Variants in LTBP1 observed in about 807,000 individuals in gnomAD.
The protein encoded by LTBP1 is latent-transforming growth factor beta-binding protein 1.
Under a neutral mutation model 207.6 loss-of-function variants are expected in LTBP1, and 129 were observed. The ratio of observed to expected loss-of-function variants is 0.62; its 90% CI spans 0.54 to 0.72. LTBP1 has a LOEUF of 0.72. Among genes scored for constraint, LTBP1 ranks in the 30% least tolerant of loss-of-function variants. LTBP1 has a pLI of 0.00. For missense variants in LTBP1, 2,281 were observed against 2,217.2 expected (o/e 1.03, Z -0.58); for synonymous variants, 963 against 833.7 (o/e 1.16, Z -2.67).
intron 7 of LTBP1, among the ~76,000 whole-genome samples, chr2:33,190,401 A>T (rs1487238291): frequency 2.0e-5 from 3 of 152,246 alleles, no homozygotes; most frequent in Non-Finnish European, 4.4e-5. Flanking sequence ...TCACTGCTTT[A>T]GAAACCTGGG....
chr2:33,198,522 T>C (rs2088832037), intron 7 of LTBP1, among the ~76,000 whole-genome samples: 1 of 152,244 alleles, frequency 6.6e-6, no homozygotes, highest in Non-Finnish European at 1.5e-5. Flanking sequence ...TGAATCCATC[T>C]GGTCCTGGAC....
chr2:33,200,243 A>C (rs947122046), intron 7 of LTBP1, among the ~76,000 whole-genome samples: 1 of 152,232 alleles, frequency 6.6e-6, no homozygotes, highest in African/African-American at 2.4e-5. Flanking sequence ...AGGCTACAGT[A>C]ACCAAAACAG....
At chr2:33,242,587 TTTC>T (rs771507039) in intron 9 of LTBP1, among the ~76,000 whole-genome samples, 1 of 152,214 alleles carries the variant, frequency 6.6e-6, no homozygotes, top group Non-Finnish European at 1.5e-5. Context: ...TTTTTCCTTT[TTTC>T]TTAGATTAGG....
intron 26 of LTBP1, among the ~76,000 whole-genome samples, chr2:33,357,184 A>G (rs2094873489): frequency 6.6e-6 from 1 of 152,164 alleles, no homozygotes; most frequent in African/African-American, 2.4e-5. Flanking sequence ...CCTACAAGCA[A>G]ATGGCCCACA....
intron 9 of LTBP1, among the ~76,000 whole-genome samples, chr2:33,230,580 G>T (rs1259303498): frequency 6.6e-6 from 1 of 152,178 alleles, no homozygotes; most frequent in Non-Finnish European, 1.5e-5. Flanking sequence ...AAGGTCTGAT[G>T]TAGAACTAGA....
chr2:33,324,699 C>CTTTTTTTT (rs35517435), intron 24 of LTBP1, among the ~76,000 whole-genome samples: 3 of 123,374 alleles, frequency 2.4e-5, no homozygotes, highest in Non-Finnish European at 3.3e-5. Flanking sequence ...TGTATTCTAT[C>CTTTTTTTT]TTTTTTTTTT....
chr2:33,252,731 C>T lies in LTBP1; in HGVS notation c.2054C>T (p.Ser685Phe). 1 of 1,613,930 alleles carries T rather than the reference C, an allele frequency of 6.2e-7. No individual in the cohort carries two copies. Among genetic ancestry groups the T allele is most frequent in the Non-Finnish European group, 8.5e-7 (1 of 1,179,860 alleles). The change falls in exon 11 of 34, where the codon TCT (serine) becomes TTT (phenylalanine). Residue 685 changes from serine to phenylalanine, a missense_variant. By Grantham distance (155) the Ser-to-Phe change is radical (BLOSUM62 -2). This residue lies in a region of LTBP1 where 1,671 missense variants were observed against 1,634.8 expected (regional missense o/e 1.02). Coordinates refer to ENST00000404816, the MANE Select transcript of LTBP1 (RefSeq NM_206943.4). ...EKGPCYRLVS[S>F]GRQCMHPLSV... ...GGGCCCTGTTACCGACTTGTCAGTT[C>T]TGGAAGACAGTGTATGCACCCTCTG...
intron 15 of LTBP1, among the ~76,000 whole-genome samples, chr2:33,268,726 T>A (rs2093245876): frequency 6.6e-6 from 1 of 152,244 alleles, no homozygotes; most frequent in African/African-American, 2.4e-5. Context: ...CTGTTTCAAT[T>A]GTTGTGGGAC....
At chr2:33,342,641 T>G (rs1317856300) in intron 24 of LTBP1, among the ~76,000 whole-genome samples, 197 bp from the exon 25 acceptor site, 2 of 152,228 alleles carry the variant, frequency 1.3e-5, no homozygotes, top group African/African-American at 4.8e-5. Flanking sequence ...AACCCAACAT[T>G]TTGGCTGTTA....
intron 31 of LTBP1, among the ~76,000 whole-genome samples, chr2:33,370,276 T>C (rs2095051071): frequency 6.6e-6 from 1 of 152,236 alleles, no homozygotes; most frequent in Admixed American, 6.5e-5. Context: ...AGTTACCTAA[T>C]AGCATGTGAA....
intron 4 of LTBP1, among the ~76,000 whole-genome samples, chr2:33,131,636 GA>G (rs2081801046): frequency 6.6e-6 from 1 of 152,220 alleles, no homozygotes; most frequent in South Asian, 2.1e-4. Flanking sequence ...ATGGAGATGG[GA>G]GGACCCGCTT....
At chr2:33,164,146 C>T (rs553951038) in intron 5 of LTBP1, among the ~76,000 whole-genome samples, 4 of 151,322 alleles carry the variant, frequency 2.6e-5, no homozygotes, top group South Asian at 4.2e-4. Flanking sequence ...TTCAGGAGTT[C>T]GAGACCAGCC....
At chr2:33,304,734 C>A (rs1399282683) in intron 22 of LTBP1, among the ~76,000 whole-genome samples, 1 of 152,170 alleles carries the variant, frequency 6.6e-6, no homozygotes, top group Non-Finnish European at 1.5e-5. Flanking sequence ...TCCCTGCAGT[C>A]CTTTACAAAG....
chr2:33,273,424 T>C (rs2093361641), intron 15 of LTBP1, among the ~76,000 whole-genome samples: 2 of 152,166 alleles, frequency 1.3e-5, no homozygotes, highest in South Asian at 4.1e-4. Flanking sequence ...TCAGTTCATC[T>C]TAAAAATGGC....
Position 33,259,675 on chromosome 2 carries a change from T to C in LTBP1, c.2418+65T>C. On this transcript the variant is annotated intron_variant, in intron 13 of 33. Coordinates refer to ENST00000404816, the MANE Select transcript of LTBP1 (RefSeq NM_206943.4). ...CTCAAAGTGATTTTCTATTAGAATATGTATGGATTTTTTAGACTTAAATAT... is the reference window on the plus strand; with the variant it reads ...CTCAAAGTGATTTTCTATTAGAATACGTATGGATTTTTTAGACTTAAATAT... 1.4e-6 allele frequency: 2 copies of C among 1,478,234 alleles called. 1 individual carries two copies. Among genetic ancestry groups the C allele is most frequent in the Admixed American group, 3.8e-5 (2 of 52,208 alleles). 91.6% of individuals were successfully genotyped at this position (1,478,234 alleles called of 1,614,324 possible).
intron 7 of LTBP1, among the ~76,000 whole-genome samples, chr2:33,209,024 A>G (rs912085740): frequency 6.6e-6 from 1 of 151,560 alleles, no homozygotes; most frequent in Admixed American, 6.6e-5. Context: ...CCCGCCACCA[A>G]GCTTGGCTAT....
chr2:33,360,587 C>G lies in LTBP1; in HGVS notation c.4001-10C>G. 2.5e-6 allele frequency: 4 copies of G among 1,598,180 alleles called. No individual in the cohort carries two copies. Among genetic ancestry groups the G allele is most frequent in the Non-Finnish European group, 3.4e-6 (4 of 1,165,576 alleles). On this transcript the variant is annotated splice_polypyrimidine_tract_variant and intron_variant, in intron 26 of 33. Transcript: ENST00000404816. ...TCCTATTGTCACTCTACTTTCTCTA[C>G]TCCATTTAGATTTAGATGTAGATGT... is the stretch of plus-strand genomic sequence containing the variant.
intron 26 of LTBP1, among the ~76,000 whole-genome samples, chr2:33,356,333 AT>A (rs2094859312): frequency 6.6e-6 from 1 of 152,192 alleles, no homozygotes; most frequent in African/African-American, 2.4e-5. Flanking sequence ...CCTGAAAGTC[AT>A]TTCCTGAGAA....
intron 5 of LTBP1, among the ~76,000 whole-genome samples, chr2:33,176,624 C>T (rs2086087471): frequency 6.6e-6 from 1 of 152,152 alleles, no homozygotes; most frequent in Admixed American, 6.5e-5. Flanking sequence ...AGAAATTCAA[C>T]AGCCCAGCAC....
Sources: gnomAD v4.1 joint callset for allele counts (sites outside exome capture counted in the v4.1 genomes callset) on GRCh38, gnomAD v4.1.1 for gene constraint, gnomAD v4.1.1 regional missense constraint, MANE v1.5 for transcripts, NCBI Gene and HGNC (gene_info 2026-07-23, HGNC 2026-07-21) for gene names.